The following OPN3 variants were observed in gnomAD, a reference collection of about 807,000 sequenced individuals.
OPN3 encodes opsin-3.
Under a neutral mutation model 33.8 loss-of-function variants are expected in OPN3, and 29 were observed. The ratio of observed to expected loss-of-function variants is 0.86; its 90% CI spans 0.64 to 1.17. The LOEUF (loss-of-function observed/expected upper bound fraction) is 1.17, where lower values mean the gene tolerates loss of function less well. Among genes scored for constraint, OPN3 ranks in the 50% most tolerant of loss-of-function variants. The pLI, the probability that OPN3 is intolerant of heterozygous loss-of-function variation, is 0.00. For synonymous variants in OPN3, 216 were observed against 216.1 expected (o/e 1.00, Z 0.00); for missense variants, 437 against 514.1 (o/e 0.85, Z 1.45).
At chr1:241,618,957 A>G (rs1664205041) in intron 1 of OPN3, among the ~76,000 whole-genome samples, 1 of 149,318 alleles carries the variant, frequency 6.7e-6, no homozygotes, top group African/African-American at 2.5e-5. Context: ...TCAAGCCTCC[A>G]GTGGGCAGGC....
intron 1 of OPN3, chr1:241,635,678 C>A (rs1304075424): frequency 6.2e-7 from 1 of 1,614,074 alleles, no homozygotes; most frequent in Non-Finnish European, 8.5e-7. Flanking sequence ...CCTCTGACCA[C>A]TTCTTGAACA....
rs184867288 is a variant in OPN3 at position 241,608,888 on chromosome 1, C to T, written c.374-4309G>A. On this transcript the variant is annotated intron_variant, in intron 1 of 3. Transcript: ENST00000366554. ...GCATGAGTCAGACTGACTTAGTCTTCGAGGGTAACCCAACTGAAATGATCT... is the reference window on the plus strand; with the variant it reads ...GCATGAGTCAGACTGACTTAGTCTTTGAGGGTAACCCAACTGAAATGATCT... 1.1e-4 allele frequency among the ~76,000 whole-genome samples: 16 copies of T among 152,246 alleles called. 1 individual carries two copies. Among genetic ancestry groups the T allele is most frequent in the East Asian group, 5.8e-4 (3 of 5,178 alleles).
chr1:241,640,283 G>A lies in OPN3; in HGVS notation c.-29C>T, dbSNP rs1304631055. ...CCGGCGCCGGCGCGCCTGGCGGGCG[G>A]AGGCGCTCAGCTTGCGGCGGGGCTC... On this transcript the variant is annotated 5_prime_UTR_variant, in exon 1 of 4. Transcript: ENST00000366554. 5.2e-6 allele frequency: 6 copies of A among 1,161,146 alleles called. No individual in the cohort carries two copies. Among genetic ancestry groups the A allele is most frequent in the African/African-American group, 1.6e-5 (1 of 61,416 alleles). The allele number at this position is 1,161,146 out of a possible 1,614,324, so 71.9% of individuals were successfully genotyped here. A position where few individuals can be genotyped will look rare whatever the true frequency, so the allele number is the denominator to read the frequency against.
intron 3 of OPN3, 120 bp downstream of exon 3, chr1:241,597,626 T>TA (rs1258487814): frequency 3.9e-6 from 4 of 1,026,496 alleles, no homozygotes; most frequent in Non-Finnish European, 2.7e-6. Flanking sequence ...CTTTAATTCC[T>TA]AAAAAATTCT....
Position 241,640,278 on chromosome 1 carries a change from G to T in OPN3, c.-24C>A. 8.6e-7 allele frequency: 1 copy of T among 1,168,472 alleles called. No homozygotes were observed. Among genetic ancestry groups the T allele is most frequent in the Admixed American group, 4.7e-5 (1 of 21,338 alleles). The allele number at this position is 1,168,472 out of a possible 1,614,324, so 72.4% of individuals were successfully genotyped here. ...ATGGCCCGGCGCCGGCGCGCCTGGCGGGCGGAGGCGCTCAGCTTGCGGCGG... is the reference window on the plus strand; with the variant it reads ...ATGGCCCGGCGCCGGCGCGCCTGGCTGGCGGAGGCGCTCAGCTTGCGGCGG... On this transcript the variant is annotated 5_prime_UTR_variant, in exon 1 of 4. Transcript: ENST00000366554.
rs201815370 is a variant in OPN3 at position 241,635,782 on chromosome 1, C to T, written c.373+4100G>A. On this transcript the variant is annotated intron_variant, in intron 1 of 3. Coordinates refer to ENST00000366554, the MANE Select transcript of OPN3 (RefSeq NM_014322.3). Reference sequence around the variant, plus strand: ...TGTCCGCCATTTTAGGAAGTAACAGCGTCTGGTGACAACTGCTGATGAAAG... The same window carrying T: ...TGTCCGCCATTTTAGGAAGTAACAGTGTCTGGTGACAACTGCTGATGAAAG... 3.8e-4 allele frequency: 609 copies of T among 1,597,520 alleles called. 1 individual carries two copies. The highest frequency in any genetic ancestry group is 5.0e-4 in the Non-Finnish European group (589 of 1,170,666).
rs1380735828 is a variant in OPN3, at chr1:241,594,269, T to C, written c.*159A>G. On this transcript the variant is annotated 3_prime_UTR_variant, in exon 4 of 4. Transcript: ENST00000366554. Reference sequence around the variant, plus strand: ...AAAGAATTTGTTTTTGTTCAACCTCTTCCTGAGGCCCAAGAGCATATGGGC... The same window carrying C: ...AAAGAATTTGTTTTTGTTCAACCTCCTCCTGAGGCCCAAGAGCATATGGGC... The C allele has an allele frequency of 4.0e-6, 3 of 757,540 alleles. No individual in the cohort carries two copies. The highest frequency in any genetic ancestry group is 6.2e-6 in the Non-Finnish European group (3 of 485,710). The allele number at this position is 757,540 out of a possible 1,614,324, so 46.9% of individuals were successfully genotyped here.
At chr1:241,634,264 G>A (rs763762314) in intron 1 of OPN3, 1 of 1,613,888 alleles carries the variant, frequency 6.2e-7, no homozygotes, top group Non-Finnish European at 8.5e-7. Flanking sequence ...TGTCCTTCAT[G>A]CATGTCATGG....
chr1:241,594,223 T>G lies in OPN3; in HGVS notation c.*205A>C. On this transcript the variant is annotated 3_prime_UTR_variant, in exon 4 of 4. Coordinates refer to ENST00000366554, the MANE Select transcript of OPN3 (RefSeq NM_014322.3). Reference sequence around the variant, plus strand: ...TGTGCCACAAGTGGTTTTTTCATTATGTAAAGCACCCGTTGAATTAAAAGA... The same window carrying G: ...TGTGCCACAAGTGGTTTTTTCATTAGGTAAAGCACCCGTTGAATTAAAAGA... 2.0e-6 allele frequency: 1 copy of G among 488,826 alleles called. No individual in the cohort carries two copies. Among genetic ancestry groups the G allele is most frequent in the Non-Finnish European group, 3.5e-6 (1 of 283,802 alleles). 30.3% of individuals were successfully genotyped at this position (488,826 alleles called of 1,614,324 possible). A position where few individuals can be genotyped will look rare whatever the true frequency, so the allele number is the denominator to read the frequency against.
intron 1 of OPN3, 118 bp from the exon 2 acceptor site, chr1:241,604,697 C>G: frequency 1.1e-6 from 1 of 906,820 alleles, no homozygotes; most frequent in Non-Finnish European, 1.6e-6. Context: ...ATAGAGTGCT[C>G]TCAAAGCCAA....
At chr1:241,627,176 T>G (rs1223418825) in intron 1 of OPN3, among the ~76,000 whole-genome samples, 4 of 152,240 alleles carry the variant, frequency 2.6e-5, no homozygotes, top group Admixed American at 2.6e-4. Flanking sequence ...GTTTTTCTGA[T>G]TTCAGGAGTG....
chr1:241,611,724 TC>T (rs1664006840), intron 1 of OPN3, among the ~76,000 whole-genome samples: 1 of 152,216 alleles, frequency 6.6e-6, no homozygotes, highest in African/African-American at 2.4e-5. Context: ...TTGGAATGTG[TC>T]CCGAGGGCTC....
At chr1:241,626,890 A>G (rs1204623453) in intron 1 of OPN3, among the ~76,000 whole-genome samples, 1 of 152,190 alleles carries the variant, frequency 6.6e-6, no homozygotes, top group Non-Finnish European at 1.5e-5. Flanking sequence ...TAGTATCCTC[A>G]AGGATTAAAC....
At chr1:241,609,875 C>T (rs548683382) in intron 1 of OPN3, among the ~76,000 whole-genome samples, 2 of 152,260 alleles carry the variant, frequency 1.3e-5, no homozygotes, top group Admixed American at 6.5e-5. Context: ...CAGGGGATGG[C>T]GCAAAGCTGA....
chr1:241,595,316 A>G (rs936017733), intron 3 of OPN3: 6 of 152,266 alleles, frequency 3.9e-5, no homozygotes, highest in African/African-American at 1.4e-4. Context: ...GTTCCTCTCT[A>G]CAAGAACCTG....
intron 1 of OPN3, among the ~76,000 whole-genome samples, chr1:241,618,441 G>T (rs879844848): frequency 5.3e-5 from 8 of 152,206 alleles, no homozygotes; most frequent in Non-Finnish European, 1.0e-4. Flanking sequence ...GATGGGTCAA[G>T]ATTAAAATCA....
At chr1:241,627,465 T>A (rs1015618294) in intron 1 of OPN3, among the ~76,000 whole-genome samples, 23 of 152,244 alleles carry the variant, frequency 1.5e-4, no homozygotes, top group African/African-American at 4.6e-4. Flanking sequence ...CCAGGTTTTA[T>A]CTACAAAGAA....
At chr1:241,604,659 G>C in intron 1 of OPN3, 80 bp from the exon 2 acceptor site, 1 of 1,252,322 alleles carries the variant, frequency 8.0e-7, no homozygotes, top group African/African-American at 1.5e-5. Context: ...TTCTCCACTG[G>C]AAATACCTTA....
At chr1:241,634,346 G>A (rs1664782707) in intron 1 of OPN3, 1 of 1,613,994 alleles carries the variant, frequency 6.2e-7, no homozygotes, top group African/African-American at 1.3e-5. Flanking sequence ...CAGAATGGAA[G>A]TCTGCTGATC....
Sources: gnomAD v4.1 joint callset for allele counts (sites outside exome capture counted in the v4.1 genomes callset) on GRCh38, gnomAD v4.1.1 for gene constraint, MANE v1.5 for transcripts, NCBI Gene and HGNC (gene_info 2026-07-23, HGNC 2026-07-21) for gene names.